SKA2: variants seen among roughly 807,000 people sequenced by gnomAD.
SKA2 encodes spindle and kinetochore associated complex subunit 2, also known as spindle and kinetochore-associated protein 2.
SKA2 carries 13 observed loss-of-function variants against 16.9 expected under a neutral mutation model. The observed-to-expected ratio is 0.77, with a 90% CI of 0.50 to 1.22. The LOEUF (loss-of-function observed/expected upper bound fraction) is 1.22. Among genes scored for constraint, SKA2 ranks in the 50% most tolerant of loss-of-function variants. The pLI, the probability that SKA2 is intolerant of heterozygous loss-of-function variation, is 0.00. For synonymous variants in SKA2, 47 were observed against 48.5 expected (o/e 0.97, Z 0.13); for missense variants, 107 against 139.7 (o/e 0.77, Z 1.18).
chr17:59,113,545 C>T lies in SKA2; in HGVS notation c.298-1200G>A, dbSNP rs1009903673. The stretch of plus-strand genomic sequence containing the variant: ...AAATCACACAAAAAAAGAAAGAGGC[C>T]GGGCACAGTGGCTCATGCCTGTAAT... On this transcript the variant is annotated intron_variant, in intron 3 of 3. Coordinates refer to ENST00000330137, the MANE Select transcript of SKA2 (RefSeq NM_182620.4). 4.7e-5 allele frequency among the ~76,000 whole-genome samples: 7 copies of T among 149,320 alleles called. No individual in the cohort carries two copies. The East Asian group carries it at 6.0e-4, about 13-fold the overall frequency.
chr17:59,125,282 C>T (rs534256079), intron 2 of SKA2, among the ~76,000 whole-genome samples: 5 of 151,160 alleles, frequency 3.3e-5, no homozygotes, highest in East Asian at 2.0e-4. Context: ...TGAGCCACCG[C>T]GCCCGGCCAG....
intron 3 of SKA2, among the ~76,000 whole-genome samples, chr17:59,116,810 CTTTTTTTTTT>C (rs909458290): frequency 2.9e-4 from 22 of 75,302 alleles, no homozygotes; most frequent in African/African-American, 1.3e-3. Context: ...CTGCCTTTGG[CTTTTTTTTTT>C]TTTTTTTTTT....
chr17:59,143,354 C>G (rs987937874), intron 1 of SKA2, among the ~76,000 whole-genome samples: 2 of 151,976 alleles, frequency 1.3e-5, no homozygotes, highest in African/African-American at 4.8e-5. Context: ...CAGGCCCCTA[C>G]CACCATACCT....
At chr17:59,131,962 T>C (rs1301566754) in intron 1 of SKA2, among the ~76,000 whole-genome samples, 1 of 152,096 alleles carries the variant, frequency 6.6e-6, no homozygotes, top group East Asian at 1.9e-4. Flanking sequence ...GGGAACTTGA[T>C]CTGTAGTAAA....
intron 1 of SKA2, among the ~76,000 whole-genome samples, chr17:59,139,150 C>A (rs2046468225): frequency 6.6e-6 from 1 of 152,096 alleles, no homozygotes; most frequent in Non-Finnish European, 1.5e-5. Flanking sequence ...GTAATCCCAG[C>A]ACTTTGGGAG....
chr17:59,148,215 A>C (rs554592901), intron 1 of SKA2, among the ~76,000 whole-genome samples: 11 of 152,308 alleles, frequency 7.2e-5, no homozygotes, highest in African/African-American at 2.6e-4. Context: ...AACTGTCGAG[A>C]GAAAATTTTA....
rs766557649 is a variant in SKA2, at chr17:59,154,992, T to C, written c.33+139A>G. 1.1e-5 allele frequency: 18 copies of C among 1,613,850 alleles called. No homozygotes were observed. The African/African-American group carries it at 2.0e-4, about 18-fold the overall frequency. ...TAGACACCAGACGGTGGCGGCTCCC[T>C]TTGGTGCAGGAGGAGGGAACTCGAC... is the stretch of plus-strand genomic sequence containing the variant. On this transcript the variant is annotated intron_variant, in intron 1 of 3. Coordinates refer to ENST00000330137, the MANE Select transcript of SKA2 (RefSeq NM_182620.4).
At chr17:59,125,007 C>T (rs893806875) in intron 2 of SKA2, among the ~76,000 whole-genome samples, 1 of 148,398 alleles carries the variant, frequency 6.7e-6, no homozygotes, top group African/African-American at 2.5e-5. Context: ...GAGTTTCGCT[C>T]TTGTTTCCCA....
Position 59,122,247 on chromosome 17 carries a change from G to A in SKA2, c.121-2752C>T, listed in dbSNP as rs572578608. Among the ~76,000 whole-genome samples, 8 of 152,288 alleles carry A rather than the reference G, an allele frequency of 5.3e-5. No homozygotes were observed. In the South Asian group the frequency reaches 1.7e-3, roughly 32 times the overall value. ...CTAGCACTTTGGGATGCCAAGGCGGGAGGATCGCTTGAGGTCAGGAGTTCA... is the reference window on the plus strand; with the variant it reads ...CTAGCACTTTGGGATGCCAAGGCGGAAGGATCGCTTGAGGTCAGGAGTTCA... On this transcript the variant is annotated intron_variant, in intron 2 of 3. Transcript: ENST00000330137.
intron 1 of SKA2, among the ~76,000 whole-genome samples, chr17:59,153,148 A>C (rs2046590204): frequency 6.6e-6 from 1 of 152,240 alleles, no homozygotes; most frequent in South Asian, 2.1e-4. Context: ...AGAAACAGCC[A>C]ATTTGAGAAG....
At chr17:59,149,231 C>G (rs572914378) in intron 1 of SKA2, among the ~76,000 whole-genome samples, 1 of 152,272 alleles carries the variant, frequency 6.6e-6, no homozygotes, top group East Asian at 1.9e-4. Context: ...CAAAGACATA[C>G]TCATGGCGAC....
At chr17:59,117,578 C>CTTTTTCTTT (rs1223774336) in intron 3 of SKA2, among the ~76,000 whole-genome samples, 1 of 150,920 alleles carries the variant, frequency 6.6e-6, no homozygotes, top group African/African-American at 2.5e-5. Flanking sequence ...TTTTCTTCTT[C>CTTTTTCTTT]TTTTTCTTTT....
chr17:59,128,896 G>A (rs2046389991), intron 2 of SKA2, among the ~76,000 whole-genome samples: 1 of 152,098 alleles, frequency 6.6e-6, no homozygotes, highest in South Asian at 2.1e-4. Context: ...ATACTTTAAA[G>A]GGGTGAATTT....
chr17:59,152,603 A>AAATAGTCAATTCTAGTT (rs58604484), intron 1 of SKA2, among the ~76,000 whole-genome samples: 1 of 152,044 alleles, frequency 6.6e-6, no homozygotes, highest in African/African-American at 2.4e-5. Context: ...ATTTCCTTTT[A>AAATAGTCAATTCTAGTT]CCTTGACAAA....
intron 1 of SKA2, among the ~76,000 whole-genome samples, chr17:59,133,547 G>A (rs1437443721): frequency 1.3e-5 from 2 of 152,074 alleles, no homozygotes; most frequent in African/African-American, 2.4e-5. Context: ...CTTAGTGGAA[G>A]GGGAAAAACT....
intron 1 of SKA2, among the ~76,000 whole-genome samples, chr17:59,146,430 C>T (rs1268055619): frequency 1.3e-5 from 2 of 151,894 alleles, no homozygotes; most frequent in Non-Finnish European, 1.5e-5. Context: ...ACCCAGGAGG[C>T]GGAGGTTGCA....
At chr17:59,142,961 A>G (rs952326413) in intron 1 of SKA2, among the ~76,000 whole-genome samples, 1 of 150,294 alleles carries the variant, frequency 6.7e-6, no homozygotes, top group Non-Finnish European at 1.5e-5. Context: ...AGAGAGAGAC[A>G]GTGTCTCACT....
chr17:59,133,613 TA>T lies in SKA2; in HGVS notation c.34-2247del, dbSNP rs1029472075. 1.1e-4 allele frequency among the ~76,000 whole-genome samples: 17 copies of T among 152,328 alleles called. No homozygotes were observed. In the South Asian group the frequency reaches 3.1e-3, roughly 28 times the overall value. On this transcript the variant is annotated intron_variant, in intron 1 of 3. Coordinates refer to ENST00000330137, the MANE Select transcript of SKA2 (RefSeq NM_182620.4). ...ATGATGTACAGTTATTTTTAGTATATAAAAGGTTCTATTAGGACCCTACTTT... is the reference window on the plus strand; with the variant it reads ...ATGATGTACAGTTATTTTTAGTATATAAAGGTTCTATTAGGACCCTACTTT...
At chr17:59,126,043 T>C (rs1055491200) in intron 2 of SKA2, among the ~76,000 whole-genome samples, 5 of 151,594 alleles carry the variant, frequency 3.3e-5, no homozygotes, top group East Asian at 2.0e-4. Context: ...TGGTGGCGGG[T>C]GCCTGTAGTC....
Sources: gnomAD v4.1 joint callset for allele counts (sites outside exome capture counted in the v4.1 genomes callset) on GRCh38, gnomAD v4.1.1 for gene constraint, MANE v1.5 for transcripts, NCBI Gene and HGNC (gene_info 2026-07-23, HGNC 2026-07-21) for gene names.